The following SCRIB variants were observed in gnomAD, a reference collection of about 807,000 sequenced individuals.
SCRIB encodes scribble planar cell polarity protein, also known as protein scribble homolog.
Under a neutral mutation model 170.0 loss-of-function variants are expected in SCRIB, and 72 were observed. The ratio of observed to expected loss-of-function variants is 0.42; its 90% CI spans 0.35 to 0.52. The LOEUF is 0.52. Ranked by LOEUF, SCRIB falls within the 20% of genes least tolerant of loss-of-function variation. SCRIB has a pLI of 0.02. For synonymous variants in SCRIB, 1,298 were observed against 1,044.3 expected (o/e 1.24, Z -4.68); for missense variants, 2,475 against 2,338.5 (o/e 1.06, Z -1.20).
At chr8:143,807,857 C>T (rs1385638009) in intron 15 of SCRIB, among the ~76,000 whole-genome samples, 1 of 152,204 alleles carries the variant, frequency 6.6e-6, no homozygotes, top group Non-Finnish European at 1.5e-5. Flanking sequence ...CTCCGGGCCC[C>T]CTCAGCTATC....
At position 143,807,626 on chromosome 8, in the gene SCRIB, G is replaced by T. The variant is rs782145722; in HGVS notation, c.2116-12C>A. On this transcript the variant is annotated splice_polypyrimidine_tract_variant and intron_variant, in intron 15 of 36. Transcript: ENST00000356994. ...TCAAACGACACTCCCTGTTAGGACA[G>T]GACCAGTGAGGCATGCAGGTTAGCC... is the stretch of plus-strand genomic sequence containing the variant. 1 of 1,611,472 alleles carries T rather than the reference G, an allele frequency of 6.2e-7. No individual in the cohort carries two copies. Among genetic ancestry groups the T allele is most frequent in the Admixed American group, 1.7e-5 (1 of 59,998 alleles).
rs1207468875 is a variant in SCRIB, at chr8:143,811,020, G to A, written c.1159C>T (p.Leu387=). ...ATGGGCTGCGCCTGGTTCTCTGCCA[G>A]CCACAGGGCCTTGAGATTGAGGTGG... The part of the protein sequence containing the change: ...LTHLNLKALW[L]AENQAQPMLR... The change falls in exon 11 of 37, where the codon CTG becomes TTG. Residue 387 remains leucine, a synonymous_variant. Transcript: ENST00000356994. 1 of 1,612,228 alleles carries A rather than the reference G, an allele frequency of 6.2e-7. No individual in the cohort carries two copies. The highest frequency in any genetic ancestry group is 1.3e-5 in the African/African-American group (1 of 74,934).
Position 143,813,665 on chromosome 8 carries a change from G to A in SCRIB, c.418C>T (p.Leu140=), listed in dbSNP as rs545784822. The change falls in exon 4 of 37, where the codon CTG becomes TTG. Residue 140 remains leucine, a synonymous_variant. Transcript: ENST00000356994. ...LAHLALNDVS[L]QALPGDVGNL... is the part of the protein sequence containing the mutation. ...CCCACGTCCCCGGGCAGTGCCTGCA[G>A]AGACACATCATTCAGGGCCAGGTGA... The A allele has an allele frequency of 5.2e-5, 84 of 1,613,578 alleles. No individual in the cohort carries two copies. Among genetic ancestry groups the A allele is most frequent in the Admixed American group, 6.7e-5 (4 of 60,030 alleles).
At chr8:143,809,125 TC>T in intron 14 of SCRIB, 100 bp from the exon 15 acceptor site, 2 of 1,415,866 alleles carry the variant, frequency 1.4e-6, no homozygotes, top group Middle Eastern at 2.6e-4. Context: ...TCCGAAAGCC[TC>T]CCCGCCACAC....
Position 143,792,004 on chromosome 8 carries a change from G to C in SCRIB, c.4644C>G (p.Pro1548=). The C allele has an allele frequency of 6.5e-7, 1 of 1,527,478 alleles. No individual in the cohort carries two copies. The highest frequency in any genetic ancestry group is 1.3e-5 in the South Asian group (1 of 79,442). 94.6% of individuals were successfully genotyped at this position (1,527,478 alleles called of 1,614,324 possible). The change falls in exon 33 of 37, where the codon CCC becomes CCG. Residue 1548 remains proline (P), a synonymous_variant. Transcript: ENST00000356994. ...TGACCCACAGACCTTCCACAGGGGT[G>C]GGCGACGGGGTGGGCGCAGGGGAAG... The part of the protein sequence containing the change: ...EAPSPAPTPS[P]TPVEDLGPQT...
intron 22 of SCRIB, 26 bp from the exon 23 acceptor site, chr8:143,803,966 G>A: frequency 6.4e-7 from 1 of 1,573,428 alleles, no homozygotes; most frequent in Non-Finnish European, 8.6e-7. Context: ...GTGGCAGCTG[G>A]TGGCTGAGGC....
rs1815784514 is a variant in SCRIB, at chr8:143,812,482, C to G, written c.788-98G>C. On this transcript the variant is annotated intron_variant, in intron 8 of 36. Coordinates refer to ENST00000356994, the MANE Select transcript of SCRIB (RefSeq NM_182706.5). ...GCCCTCAAGGCAGACAGCAAGGCCC[C>G]CAGCCCCTTCTGCCGCCGCCGTACT... 7 of 913,172 alleles carry G rather than the reference C, an allele frequency of 7.7e-6. No individual in the cohort carries two copies. In the East Asian group the frequency reaches 1.7e-4, roughly 22 times the overall value. 56.6% of individuals were successfully genotyped at this position (913,172 alleles called of 1,614,324 possible). A position where few individuals can be genotyped will look rare whatever the true frequency, so the allele number is the denominator to read the frequency against.
intron 18 of SCRIB, 106 bp from the exon 19 acceptor site, chr8:143,805,541 G>C (rs1554636376): frequency 8.2e-7 from 1 of 1,225,458 alleles, no homozygotes; most frequent in East Asian, 2.8e-5. Context: ...CTGAGGCACA[G>C]GGCGAGGGGA....
chr8:143,800,612 C>T (rs991629437), intron 24 of SCRIB, among the ~76,000 whole-genome samples: 5 of 152,260 alleles, frequency 3.3e-5, no homozygotes, highest in African/African-American at 9.6e-5. Flanking sequence ...GCAGGGCTCA[C>T]GCCTGGAAGC....
chr8:143,812,436 C>T (rs371814915), intron 8 of SCRIB, 52 bp from the exon 9 acceptor site: 9 of 1,382,648 alleles, frequency 6.5e-6, no homozygotes, highest in Non-Finnish European at 9.3e-6. Context: ...CCAGACGTGC[C>T]TTACCCACCT....
intron 21 of SCRIB, 97 bp downstream of exon 21, chr8:143,804,471 T>G: frequency 7.6e-7 from 1 of 1,310,524 alleles, no homozygotes; most frequent in Non-Finnish European, 1.0e-6. Flanking sequence ...GCTTCCCACC[T>G]GGAGTGGGCC....
At chr8:143,791,833 A>T in intron 34 of SCRIB, 43 bp downstream of exon 34, 2 of 1,504,264 alleles carry the variant, frequency 1.3e-6, no homozygotes, top group Non-Finnish European at 8.9e-7. Flanking sequence ...CCCCACCCCC[A>T]TGCCTCGGGG....
intron 9 of SCRIB, among the ~76,000 whole-genome samples, chr8:143,811,995 T>C (rs998958646): frequency 3.3e-5 from 5 of 152,140 alleles, no homozygotes; most frequent in African/African-American, 1.2e-4. Flanking sequence ...TCCTGCCTCT[T>C]CTGTAACCGC....
rs1814887808 is a variant in SCRIB, at chr8:143,795,180, G to A, written c.3772-68C>T. 4 of 1,598,452 alleles carry A rather than the reference G, an allele frequency of 2.5e-6. No individual in the cohort carries two copies. The Admixed American group carries it at 5.0e-5, about 20-fold the overall frequency. On this transcript the variant is annotated intron_variant, in intron 26 of 36. Transcript: ENST00000356994. ...GGCAGCACCCGGCCAGCACAGGGCA[G>A]GAGAGGGGGTCCTGGGGGTTACTAC...
Position 143,805,017 on chromosome 8 carries a change from G to T in SCRIB, c.2671-3C>A. The T allele has an allele frequency of 6.3e-7, 1 of 1,586,472 alleles. No individual in the cohort carries two copies. ...GCAATGCGGGAGACGAAGATGCCCT[G>T]CAGGGGAGGGTGGAGGAGGCAGGGC... is the stretch of plus-strand genomic sequence containing the variant. On this transcript the variant is annotated splice_polypyrimidine_tract_variant and splice_region_variant and intron_variant, in intron 19 of 36. Transcript: ENST00000356994.
At chr8:143,814,153 G>C (rs374882664) in intron 1 of SCRIB, 35 bp from the exon 2 acceptor site, 36 of 1,504,822 alleles carry the variant, frequency 2.4e-5, no homozygotes, top group Non-Finnish European at 2.8e-5. Context: ...CTGTGGCAGA[G>C]ACCACTGCAG....
chr8:143,807,703 G>T, intron 15 of SCRIB, 89 bp from the exon 16 acceptor site: 1 of 1,056,072 alleles, frequency 9.5e-7, no homozygotes, highest in Non-Finnish European at 1.5e-6. Flanking sequence ...CAAGCAGAAA[G>T]GACAGAGGAG....
At chr8:143,812,754 C>T in intron 8 of SCRIB, 63 bp downstream of exon 8, 1 of 1,566,874 alleles carries the variant, frequency 6.4e-7, no homozygotes, top group Non-Finnish European at 8.6e-7. Context: ...AGCCCCGACG[C>T]CCCACGCTCC....
chr8:143,792,490 G>C lies in SCRIB; in HGVS notation c.4323C>G (p.Thr1441=). 2 of 1,542,754 alleles carry C rather than the reference G, an allele frequency of 1.3e-6. No individual in the cohort carries two copies. The highest frequency in any genetic ancestry group is 1.7e-6 in the Non-Finnish European group (2 of 1,149,554). Residue 1441 remains threonine, a synonymous_variant, in exon 31 of 37, where the codon ACC becomes ACG. Coordinates refer to ENST00000356994, the MANE Select transcript of SCRIB (RefSeq NM_182706.5). Reference sequence around the variant, plus strand: ...TCTGGTGGGCGGGTGCTCACCTTGAGGTGGGGCTCGGGCTGGCCCAGGGTG... The same window carrying C: ...TCTGGTGGGCGGGTGCTCACCTTGACGTGGGGCTCGGGCTGGCCCAGGGTG... The part of the protein sequence containing the change: ...EQPPWASPSP[T]SRQSPASPPP...
Sources: gnomAD v4.1 joint callset for allele counts (sites outside exome capture counted in the v4.1 genomes callset) on GRCh38, gnomAD v4.1.1 for gene constraint, MANE v1.5 for transcripts, NCBI Gene and HGNC (gene_info 2026-07-23, HGNC 2026-07-21) for gene names.